The following BLTP1 variants were observed in gnomAD, a reference collection of about 807,000 sequenced individuals.
The protein encoded by BLTP1 is fragile site-associated protein.
At chr4:122,186,617 G>A in the BLTP1 span, among the ~76,000 whole-genome samples, 1 of 151,878 alleles carries the variant, frequency 6.6e-6, no homozygotes, top group Non-Finnish European at 1.5e-5. Context: ...GTATTGTTCT[G>A]TAATTTGCTT....
At chr4:122,178,986 G>A in the BLTP1 span, among the ~76,000 whole-genome samples, 1 of 152,088 alleles carries the variant, frequency 6.6e-6, no homozygotes, top group African/African-American at 2.4e-5. Context: ...CATTTAAAAA[G>A]CACCTTTTGA....
the BLTP1 span, chr4:122,353,059 C>T: frequency 1.2e-6 from 2 of 1,614,034 alleles, no homozygotes; most frequent in Middle Eastern, 1.7e-4. This position sits in a 1 kb window ranked among gnomAD's most constrained non-coding sequence, Gnocchi z 4.3. Flanking sequence ...GGCATGTTTT[C>T]ATGGTCCAAA....
chr4:122,249,443 T>G, the BLTP1 span: 1 of 1,602,038 alleles, frequency 6.2e-7, no homozygotes, highest in Non-Finnish European at 8.5e-7. Context: ...AATGTAAGCT[T>G]ATGTCTTTAA....
At chr4:122,198,778 A>ATTCAG in the BLTP1 span, among the ~76,000 whole-genome samples, 1 of 152,112 alleles carries the variant, frequency 6.6e-6, no homozygotes, top group South Asian at 2.1e-4. Flanking sequence ...CTTTTTAGAG[A>ATTCAG]TTCAGGTATT....
At chr4:122,286,512 CA>C in the BLTP1 span, 1 of 1,612,580 alleles carries the variant, frequency 6.2e-7, no homozygotes, top group Non-Finnish European at 8.5e-7. Context: ...AACACTAGCA[CA>C]AACAATAACT....
chr4:122,355,915 A>G, the BLTP1 span: 11 of 1,612,650 alleles, frequency 6.8e-6, no homozygotes, highest in South Asian at 1.1e-5. Flanking sequence ...AACAGAGACT[A>G]TCTTTGCATT....
the BLTP1 span, among the ~76,000 whole-genome samples, chr4:122,167,352 T>C: frequency 6.6e-6 from 1 of 152,156 alleles, no homozygotes; most frequent in Admixed American, 6.5e-5. Context: ...AGGTGTGTCC[T>C]CCTTATCCTA....
chr4:122,154,810 T>G, the BLTP1 span: 1 of 197,476 alleles, frequency 5.1e-6, no homozygotes, highest in African/African-American at 2.4e-5. Flanking sequence ...AGGCAGAGCT[T>G]GCAGTGAGCT....
At chr4:122,244,968 G>A in the BLTP1 span, 3 of 1,586,064 alleles carry the variant, frequency 1.9e-6, no homozygotes, top group African/African-American at 2.7e-5. Context: ...CATAAACTAA[G>A]TTGTAGAATC....
chr4:122,221,062 G>A, the BLTP1 span: 3 of 979,504 alleles, frequency 3.1e-6, no homozygotes, highest in Non-Finnish European at 3.6e-6. Flanking sequence ...CACTTTATAT[G>A]CCCCTGTCTT....
chr4:122,210,185 T>A, the BLTP1 span: 1 of 219,930 alleles, frequency 4.5e-6, no homozygotes, highest in Non-Finnish European at 7.7e-6. Flanking sequence ...ATTATCATTA[T>A]TTTTATCTTA....
the BLTP1 span, chr4:122,189,070 C>G: frequency 7.1e-6 from 7 of 983,700 alleles, no homozygotes; most frequent in African/African-American, 1.0e-4. Context: ...AGGTATAATA[C>G]TGAATAAATC....
At chr4:122,315,578 A>G in the BLTP1 span, 6 of 1,614,084 alleles carry the variant, frequency 3.7e-6, no homozygotes, top group Non-Finnish European at 5.1e-6. Context: ...TACTCTTACA[A>G]CACTGACAGG....
the BLTP1 span, chr4:122,266,968 G>A: frequency 2.8e-6 from 4 of 1,437,820 alleles, no homozygotes; most frequent in Non-Finnish European, 3.8e-6. Context: ...GGTGTCTTTT[G>A]CATTTTTGTG....
At chr4:122,218,308 G>T in the BLTP1 span, among the ~76,000 whole-genome samples, 5 of 152,080 alleles carry the variant, frequency 3.3e-5, no homozygotes, top group Admixed American at 6.6e-5. Context: ...CCATGCTTCA[G>T]AATTGTATTA....
the BLTP1 span, chr4:122,215,464 T>A: frequency 1.0e-6 from 1 of 985,332 alleles, no homozygotes; most frequent in Non-Finnish European, 1.2e-6. Flanking sequence ...CTAATAGTAG[T>A]TGAGTCCTTA....
the BLTP1 span, among the ~76,000 whole-genome samples, chr4:122,267,893 GTAT>G: frequency 6.6e-6 from 1 of 152,064 alleles, no homozygotes; most frequent in Non-Finnish European, 1.5e-5. Context: ...GGTTTCTGTA[GTAT>G]TGTTTCTTTC....
chr4:122,174,911 T>A, the BLTP1 span: 4 of 407,686 alleles, frequency 9.8e-6, no homozygotes, highest in African/African-American at 2.2e-5. Context: ...AACCTTTAAA[T>A]TGCCTGACCA....
At chr4:122,222,385 T>C in the BLTP1 span, among the ~76,000 whole-genome samples, 5 of 152,202 alleles carry the variant, frequency 3.3e-5, no homozygotes, top group East Asian at 1.9e-4. Flanking sequence ...AGGTGACTGA[T>C]GGACTACTGT....
Sources: gnomAD v4.1 joint callset for allele counts (sites outside exome capture counted in the v4.1 genomes callset) on GRCh38, gnomAD v4.1.1 for gene constraint, Gnocchi (gnomAD v3.1) non-coding constraint, MANE v1.5 for transcripts, NCBI Gene and HGNC (gene_info 2026-07-23, HGNC 2026-07-21) for gene names.